Variants in SRBD1 observed in about 807,000 individuals in gnomAD.
The protein encoded by SRBD1 is S1 RNA binding domain 1, also known as S1 RNA-binding domain-containing protein 1.
In SRBD1, 88 loss-of-function variants were observed where a neutral mutation model predicts 115.3. The ratio of observed to expected loss-of-function variants is 0.76; its 90% CI spans 0.64 to 0.91. SRBD1 has a LOEUF of 0.91. Ranked by LOEUF, SRBD1 falls within the 40% of genes least tolerant of loss-of-function variation. The pLI is 0.00. For missense variants in SRBD1, 1,385 were observed against 1,177.4 expected (o/e 1.18, Z -2.58); for synonymous variants, 509 against 407.7 (o/e 1.25, Z -2.99).
intron 16 of SRBD1, among the ~76,000 whole-genome samples, chr2:45,427,942 G>C (rs1275409265): frequency 6.6e-6 from 1 of 152,142 alleles, no homozygotes. Context: ...ACAGATGAAT[G>C]AGACAGAAAA....
chr2:45,406,641 GA>G (rs1430651945), intron 19 of SRBD1, among the ~76,000 whole-genome samples: 1 of 152,092 alleles, frequency 6.6e-6, no homozygotes, highest in Non-Finnish European at 1.5e-5. Context: ...AAACATGATG[GA>G]AGGGAATTAT....
chr2:45,589,353 A>G (rs935970009), intron 4 of SRBD1, among the ~76,000 whole-genome samples: 9 of 152,202 alleles, frequency 5.9e-5, no homozygotes, highest in African/African-American at 1.9e-4. Flanking sequence ...GTGCCAGGCA[A>G]TAAGTGGCAC....
intron 10 of SRBD1, among the ~76,000 whole-genome samples, chr2:45,562,229 T>C (rs1289366628): frequency 6.6e-6 from 1 of 152,152 alleles, no homozygotes; most frequent in African/African-American, 2.4e-5. Flanking sequence ...GTTTTTTGTT[T>C]GTTTGTTTGT....
At chr2:45,527,467 G>C (rs977107460) in intron 14 of SRBD1, among the ~76,000 whole-genome samples, 1 of 151,816 alleles carries the variant, frequency 6.6e-6, no homozygotes, top group Non-Finnish European at 1.5e-5. Flanking sequence ...ATCTGAGTCA[G>C]GCCCTGAGGG....
intron 4 of SRBD1, among the ~76,000 whole-genome samples, chr2:45,595,738 T>G (rs1006456473): frequency 6.6e-6 from 1 of 152,234 alleles, no homozygotes; most frequent in African/African-American, 2.4e-5. Flanking sequence ...ACAATAATTG[T>G]CTGTAAAATT....
In SRBD1 at chr2:45,413,186, A is replaced by G. The variant is rs1433380955; in HGVS notation, c.2441T>C (p.Val814Ala). The change falls in exon 19 of 21, where the codon GTG becomes GCG. Residue 814 changes from valine (V) to alanine (A), a missense_variant. Transcript: ENST00000263736. ...AGGATTTGGCTTCAGTAAAACATTC[A>G]CTGCAGTTTTGCTCTTCTTTTTGCC... ...KQGKKKSKTAVNVLLKPNPLD... is the reference protein window; with the variant it reads ...KQGKKKSKTAANVLLKPNPLD... The G allele has an allele frequency of 1.3e-5, 21 of 1,613,996 alleles. No homozygotes were observed. The highest frequency in any genetic ancestry group is 1.8e-5 in the Non-Finnish European group (21 of 1,179,992).
intron 16 of SRBD1, among the ~76,000 whole-genome samples, chr2:45,420,524 T>C (rs1330887649): frequency 6.6e-6 from 1 of 152,238 alleles, no homozygotes; most frequent in East Asian, 1.9e-4. Flanking sequence ...ACATTTTTTA[T>C]TTATTTGTTA....
chr2:45,579,747 T>C, intron 7 of SRBD1, 128 bp downstream of exon 7: 1 of 1,120,626 alleles, frequency 8.9e-7, no homozygotes, highest in Non-Finnish European at 1.2e-6. Flanking sequence ...TTTATTTCAA[T>C]TATTCTACAT....
chr2:45,609,876 C>A (rs1356255947), intron 1 of SRBD1, among the ~76,000 whole-genome samples: 1 of 152,048 alleles, frequency 6.6e-6, no homozygotes, highest in Non-Finnish European at 1.5e-5. Context: ...GAGTAAATAC[C>A]ATGAAAGAAG....
intron 4 of SRBD1, among the ~76,000 whole-genome samples, chr2:45,596,140 C>T (rs957695934): frequency 2.6e-5 from 4 of 152,138 alleles, no homozygotes. Flanking sequence ...TCACTATTCC[C>T]ACAACACAAC....
Position 45,574,730 on chromosome 2 carries a change from G to T in SRBD1, c.1073-7C>A. 1 of 1,602,650 alleles carries T rather than the reference G, an allele frequency of 6.2e-7. No individual in the cohort carries two copies. Among genetic ancestry groups the T allele is most frequent in the Non-Finnish European group, 8.5e-7 (1 of 1,176,690 alleles). On this transcript the variant is annotated splice_region_variant and splice_polypyrimidine_tract_variant and intron_variant, in intron 7 of 20. Coordinates refer to ENST00000263736, the MANE Select transcript of SRBD1 (RefSeq NM_018079.5). ...TCCTGAAGCGTTGAAAGCCCTTTAG[G>T]AGAAGGGTAAAAAGGAAAACAAAAA...
At chr2:45,459,135 C>T (rs1300329737) in intron 16 of SRBD1, among the ~76,000 whole-genome samples, 1 of 152,118 alleles carries the variant, frequency 6.6e-6, no homozygotes, top group East Asian at 1.9e-4. Flanking sequence ...CTCCAAAATA[C>T]TGAGTCAATT....
At position 45,609,307 on chromosome 2, in the gene SRBD1, C is replaced by CTAT. The variant is rs200558102; in HGVS notation, c.-1+1909_-1+1911dup. ...TTTTCTTTCATCTCACATATCCAGACTATTAGTAAGTCACATAAGATCCTC... is the reference window on the plus strand; with the variant it reads ...TTTTCTTTCATCTCACATATCCAGACTATTATTAGTAAGTCACATAAGATCCTC... On this transcript the variant is annotated intron_variant, in intron 1 of 20. Transcript: ENST00000263736. Among the ~76,000 whole-genome samples, 71 of 152,280 alleles carry CTAT rather than the reference C, an allele frequency of 4.7e-4. No individual in the cohort carries two copies. The East Asian group carries it at 7.5e-3, about 16-fold the overall frequency.
intron 14 of SRBD1, among the ~76,000 whole-genome samples, chr2:45,506,133 G>A (rs1485417232): frequency 6.6e-6 from 1 of 152,114 alleles, no homozygotes; most frequent in Non-Finnish European, 1.5e-5. Context: ...TTAGGGAGGA[G>A]TATTTACTGT....
At chr2:45,551,937 T>C (rs1672314131) in intron 11 of SRBD1, among the ~76,000 whole-genome samples, 1 of 152,216 alleles carries the variant, frequency 6.6e-6, no homozygotes, top group Non-Finnish European at 1.5e-5. Flanking sequence ...CAAGATCATC[T>C]ATGACGCTAG....
intron 14 of SRBD1, among the ~76,000 whole-genome samples, chr2:45,533,158 A>G (rs1046086946): frequency 3.9e-5 from 6 of 152,112 alleles, no homozygotes; most frequent in African/African-American, 1.4e-4. Context: ...ACAATCTTAA[A>G]GTAAAAATGG....
rs776504403 is a variant in SRBD1, at chr2:45,602,024, A to G, written c.140T>C (p.Val47Ala). ...EDSAWEPQKKVPRSRKQPPPK... is the reference protein window; with the variant it reads ...EDSAWEPQKKAPRSRKQPPPK... ...AGGGGGCTGTTTACGGCTTCTGGGA[A>G]CTTTCTTTTGGGGCTCCCAGGCACT... is the stretch of plus-strand genomic sequence containing the variant. Residue 47 changes from valine to alanine, a missense_variant, in exon 3 of 21, where the codon GTT (valine) becomes GCT (alanine). Val to Ala is a moderately conservative substitution (Grantham distance 64). Coordinates refer to ENST00000263736, the MANE Select transcript of SRBD1 (RefSeq NM_018079.5). 1.6e-5 allele frequency: 26 copies of G among 1,614,156 alleles called. No individual in the cohort carries two copies. The highest frequency in any genetic ancestry group is 2.1e-5 in the Non-Finnish European group (25 of 1,180,002).
chr2:45,564,657 T>A (rs1672771628), intron 9 of SRBD1, among the ~76,000 whole-genome samples: 1 of 152,110 alleles, frequency 6.6e-6, no homozygotes, highest in Admixed American at 6.5e-5. Context: ...CCAAAAGGAA[T>A]AAAATACTTA....
intron 14 of SRBD1, among the ~76,000 whole-genome samples, chr2:45,525,409 T>C (rs1456585630): frequency 2.0e-5 from 3 of 151,994 alleles, no homozygotes; most frequent in African/African-American, 7.2e-5. Context: ...GGGACTTGTA[T>C]CCAGAACTAT....
Sources: gnomAD v4.1 joint callset for allele counts (sites outside exome capture counted in the v4.1 genomes callset) on GRCh38, gnomAD v4.1.1 for gene constraint, MANE v1.5 for transcripts, NCBI Gene and HGNC (gene_info 2026-07-23, HGNC 2026-07-21) for gene names.